The following HIF1A variants were observed in gnomAD, a reference collection of about 807,000 sequenced individuals.
HIF1A encodes hypoxia-inducible factor 1-alpha.
Under a neutral mutation model 92.7 loss-of-function variants are expected in HIF1A, and 24 were observed. The observed-to-expected ratio is 0.26, with a 90% CI of 0.19 to 0.36. The LOEUF (loss-of-function observed/expected upper bound fraction) is 0.36. Ranked by LOEUF, HIF1A falls within the 10% of genes least tolerant of loss-of-function variation. HIF1A has a pLI of 1.00. For synonymous variants in HIF1A, 319 were observed against 338.7 expected (o/e 0.94, Z 0.64); for missense variants, 799 against 998.5 (o/e 0.80, Z 2.69).
At chr14:61,706,456 ATTC>A (rs1186433296) in intron 1 of HIF1A, among the ~76,000 whole-genome samples, 1 of 152,192 alleles carries the variant, frequency 6.6e-6, no homozygotes, top group Non-Finnish European at 1.5e-5. Context: ...CTAGCTTCTT[ATTC>A]TTAGCAATTA....
At chr14:61,731,582 G>A (rs771548766) in intron 6 of HIF1A, among the ~76,000 whole-genome samples, 1 of 152,198 alleles carries the variant, frequency 6.6e-6, no homozygotes, top group African/African-American at 2.4e-5. Flanking sequence ...CCCATTTAGT[G>A]TAGATGCTCT....
intron 1 of HIF1A, chr14:61,697,651 T>C (rs1002739473): frequency 1.4e-5 from 16 of 1,156,784 alleles, no homozygotes; most frequent in Admixed American, 4.6e-5. Flanking sequence ...TTGGATTGGA[T>C]GGATTCATAT....
intron 1 of HIF1A, among the ~76,000 whole-genome samples, chr14:61,703,651 C>G (rs556449324): frequency 6.6e-6 from 1 of 152,112 alleles, no homozygotes; most frequent in Non-Finnish European, 1.5e-5. Context: ...AAAACTCCCT[C>G]TCTCTTCTAG....
At chr14:61,746,164 C>T (rs1013395737) in intron 14 of HIF1A, among the ~76,000 whole-genome samples, 2 of 143,822 alleles carry the variant, frequency 1.4e-5, no homozygotes, top group African/African-American at 5.2e-5. Context: ...GCAGAGGTTG[C>T]AGTGAGCCAA....
intron 1 of HIF1A, among the ~76,000 whole-genome samples, chr14:61,718,823 A>G (rs529927785): frequency 6.6e-6 from 1 of 152,302 alleles, no homozygotes; most frequent in East Asian, 1.9e-4. Context: ...GATGAAGATA[A>G]TAGTTTTTAA....
chr14:61,707,340 T>C (rs1018169460), intron 1 of HIF1A, among the ~76,000 whole-genome samples: 15 of 152,214 alleles, frequency 9.9e-5, no homozygotes, highest in Admixed American at 3.3e-4. Flanking sequence ...AGTTTTAGGG[T>C]ACATGTGCAC....
intron 4 of HIF1A, among the ~76,000 whole-genome samples, chr14:61,723,879 G>A (rs976388791): frequency 1.3e-5 from 2 of 152,156 alleles, no homozygotes; most frequent in African/African-American, 4.8e-5. Flanking sequence ...TGTGGTTAAT[G>A]AATTATTGAT....
Position 61,740,939 on chromosome 14 carries a change from C to A in HIF1A, c.1844C>A (p.Thr615Asn), listed in dbSNP as rs759601882. Residue 615 changes from threonine to asparagine, a missense_variant, in exon 12 of 15, where the codon ACC becomes AAC. Around this residue, in one of 2 missense-constraint regions of HIF1A, gnomAD observed 283 missense variants for 277.5 expected, o/e 1.02. Transcript: ENST00000337138. ...TQIQEPTANATTTTATTDELK... is the reference protein window; with the variant it reads ...TQIQEPTANANTTTATTDELK... ...ATACAAGAACCTACTGCTAATGCCA[C>A]CACTACCACTGCCACCACTGATGAA... 1 of 1,614,118 alleles carries A rather than the reference C, an allele frequency of 6.2e-7. No homozygotes were observed. Among genetic ancestry groups the A allele is most frequent in the East Asian group, 2.2e-5 (1 of 44,884 alleles).
intron 1 of HIF1A, among the ~76,000 whole-genome samples, chr14:61,708,089 G>C (rs1673973795): frequency 6.6e-6 from 1 of 152,148 alleles, no homozygotes; most frequent in Admixed American, 6.5e-5. Flanking sequence ...GTGTCTTTTG[G>C]CAGCATAAAT....
chr14:61,733,610 G>A (rs1250868597), intron 7 of HIF1A, among the ~76,000 whole-genome samples: 1 of 152,076 alleles, frequency 6.6e-6, no homozygotes, highest in East Asian at 1.9e-4. Context: ...TCTGCAGTCA[G>A]GACACCCCAA....
At chr14:61,735,594 G>A (rs186694995) in intron 8 of HIF1A, among the ~76,000 whole-genome samples, 1 of 152,164 alleles carries the variant, frequency 6.6e-6, no homozygotes, top group East Asian at 1.9e-4. Flanking sequence ...TAAGGTCAAG[G>A]GTTGGCTATT....
chr14:61,741,143 C>G lies in HIF1A; in HGVS notation c.2048C>G (p.Ser683Cys). 1 of 1,612,786 alleles carries G rather than the reference C, an allele frequency of 6.2e-7. No homozygotes were observed. The highest frequency in any genetic ancestry group is 8.5e-7 in the Non-Finnish European group (1 of 1,179,688). Residue 683 changes from serine (S) to cysteine (C), a missense_variant, in exon 12 of 15, where the codon TCT becomes TGT. By Grantham distance (112) the Ser-to-Cys change is moderately radical. Around this residue, in one of 2 missense-constraint regions of HIF1A, gnomAD observed 283 missense variants for 277.5 expected, o/e 1.02. Coordinates refer to ENST00000337138, the MANE Select transcript of HIF1A (RefSeq NM_001530.4). ...GKGVIEQTEK[S>C]HPRSPNVLSV... ...GGAGTCATAGAACAGACAGAAAAAT[C>G]TCATCCAAGAAGCCCTAACGTGTTA... is the stretch of plus-strand genomic sequence containing the variant.
Position 61,736,948 on chromosome 14 carries a change from C to T in HIF1A, c.1088C>T (p.Pro363Leu). The change falls in exon 9 of 15, where the codon CCG (proline) becomes CTG (leucine). Residue 363 changes from proline (P) to leucine (L), a missense_variant. This residue lies in a region of HIF1A where 516 missense variants were observed against 721.0 expected (regional missense o/e 0.72). Coordinates refer to ENST00000337138, the MANE Select transcript of HIF1A (RefSeq NM_001530.4). ...CAACAAACAGAATGTGTCCTTAAAC[C>T]GGTTGAATCTTCAGATATGAAAATG... ...SLQQTECVLK[P>L]VESSDMKMTQ... The T allele has an allele frequency of 1.9e-6, 3 of 1,613,954 alleles. No individual in the cohort carries two copies. The highest frequency in any genetic ancestry group is 2.5e-6 in the Non-Finnish European group (3 of 1,179,870).
intron 1 of HIF1A, among the ~76,000 whole-genome samples, chr14:61,714,524 T>C (rs942801698): frequency 6.6e-6 from 1 of 152,200 alleles, no homozygotes; most frequent in African/African-American, 2.4e-5. Context: ...CCAGTGTTTA[T>C]GCCACCATTA....
At chr14:61,738,783 A>G (rs1233614193) in intron 10 of HIF1A, among the ~76,000 whole-genome samples, 1 of 152,152 alleles carries the variant, frequency 6.6e-6, no homozygotes, top group African/African-American at 2.4e-5. Flanking sequence ...GAGTCTCACT[A>G]TCACCCAGGC....
chr14:61,706,142 A>G (rs2044237116), intron 1 of HIF1A, among the ~76,000 whole-genome samples: 2 of 152,152 alleles, frequency 1.3e-5, no homozygotes, highest in Non-Finnish European at 2.9e-5. Flanking sequence ...ACAGAAAGAA[A>G]AGGATTTACA....
chr14:61,731,940 G>A (rs889553653), intron 6 of HIF1A, among the ~76,000 whole-genome samples: 4 of 152,114 alleles, frequency 2.6e-5, no homozygotes, highest in African/African-American at 4.8e-5. Context: ...AGTTCAAGAC[G>A]AGCCTGACCA....
chr14:61,709,907 TAGTGTC>T (rs1037617367), intron 1 of HIF1A, among the ~76,000 whole-genome samples: 28 of 152,330 alleles, frequency 1.8e-4, no homozygotes, highest in South Asian at 8.3e-4. Flanking sequence ...GGTACAGTGA[TAGTGTC>T]AGTTCATGGT....
rs2044806984 is a variant in HIF1A at position 61,747,383 on chromosome 14, T to A, written c.*298T>A. On this transcript the variant is annotated 3_prime_UTR_variant, in exon 15 of 15. Transcript: ENST00000337138. ...ATTTATTTATTTTTGGCTAGGGAGTTTATCCCTTTTTCGAATTATTTTTAA... is the reference window on the plus strand; with the variant it reads ...ATTTATTTATTTTTGGCTAGGGAGTATATCCCTTTTTCGAATTATTTTTAA... The A allele has an allele frequency of 5.1e-6, 1 of 195,774 alleles. No individual in the cohort carries two copies. Among genetic ancestry groups the A allele is most frequent in the African/African-American group, 2.3e-5 (1 of 43,142 alleles). The allele number at this position is 195,774 out of a possible 1,614,324, so 12.1% of individuals were successfully genotyped here.
Sources: allele counts gnomAD v4.1 joint callset (sites outside exome capture counted in the v4.1 genomes callset), GRCh38; gene constraint gnomAD v4.1.1; regional missense constraint gnomAD v4.1.1; transcripts MANE v1.5; gene names NCBI Gene and HGNC (gene_info 2026-07-23, HGNC 2026-07-21).